The following SAMMSON variants were observed in gnomAD, a reference collection of about 807,000 sequenced individuals.
SAMMSON encodes long intergenic non-protein coding RNA 1212.
intron 9 of SAMMSON, among the ~76,000 whole-genome samples, chr3:70,367,768 T>C (rs1053341958): frequency 1.3e-5 from 2 of 151,704 alleles, no homozygotes; most frequent in African/African-American, 4.8e-5. Flanking sequence ...GCTTACAAGA[T>C]AGTTCTATTT....
intron 7 of SAMMSON, among the ~76,000 whole-genome samples, chr3:70,312,357 A>T (rs539867705): frequency 6.6e-6 from 1 of 152,226 alleles, no homozygotes; most frequent in Non-Finnish European, 1.5e-5. Context: ...AAAGAGACAA[A>T]TAACAATAAA....
chr3:70,399,839 A>G (rs1417563713), intron 2 of SAMMSON, among the ~76,000 whole-genome samples: 1 of 149,248 alleles, frequency 6.7e-6, no homozygotes, highest in Non-Finnish European at 1.5e-5. Flanking sequence ...CTCGTGACAG[A>G]GCAAGACTCT....
intron 4 of SAMMSON, among the ~76,000 whole-genome samples, chr3:70,151,051 A>G (rs1224521147): frequency 6.6e-6 from 1 of 151,526 alleles, no homozygotes; most frequent in Non-Finnish European, 1.5e-5. Flanking sequence ...ACATGTTTCT[A>G]TTAGCATCCA....
intron 1 of SAMMSON, chr3:70,009,122 A>T: frequency 6.6e-6 from 1 of 152,242 alleles, no homozygotes; most frequent in Non-Finnish European, 1.5e-5. Flanking sequence ...TGTCTCTACC[A>T]GGCTTTGGTA....
At chr3:70,369,814 G>A (rs1438342377) in intron 9 of SAMMSON, among the ~76,000 whole-genome samples, 1 of 151,620 alleles carries the variant, frequency 6.6e-6, no homozygotes, top group Non-Finnish European at 1.5e-5. Flanking sequence ...CTATGTGTTG[G>A]GGGCATTTCA....
intron 7 of SAMMSON, among the ~76,000 whole-genome samples, chr3:70,320,834 G>T (rs978074675): frequency 1.3e-5 from 2 of 152,050 alleles, no homozygotes; most frequent in Non-Finnish European, 2.9e-5. Context: ...CGGCCTGTTT[G>T]GAATGCGAGA....
chr3:70,057,408 A>C (rs1184081964), intron 3 of SAMMSON, among the ~76,000 whole-genome samples: 1 of 152,042 alleles, frequency 6.6e-6, no homozygotes, highest in African/African-American at 2.4e-5. Context: ...TTCTCGTGGG[A>C]CTAACACAAC....
intron 3 of SAMMSON, among the ~76,000 whole-genome samples, chr3:70,064,249 G>C (rs903415633): frequency 6.6e-6 from 1 of 152,122 alleles, no homozygotes; most frequent in African/African-American, 2.4e-5. Flanking sequence ...CTGTGTTTCT[G>C]TCTATTGTGC....
intron 4 of SAMMSON, chr3:70,127,807 G>A (rs2067465680): frequency 6.6e-6 from 1 of 152,066 alleles, no homozygotes; most frequent in Non-Finnish European, 1.5e-5. Context: ...ATGCTTAGCT[G>A]ATTTTTGTAT....
chr3:70,188,479 A>G (rs1327726473), intron 4 of SAMMSON, among the ~76,000 whole-genome samples: 2 of 152,214 alleles, frequency 1.3e-5, no homozygotes, highest in Admixed American at 6.5e-5. Context: ...AGAAGAAAAA[A>G]TAAAGAGATA....
intron 3 of SAMMSON, among the ~76,000 whole-genome samples, chr3:70,054,638 C>T (rs1242303367): frequency 6.6e-6 from 1 of 152,114 alleles, no homozygotes; most frequent in Non-Finnish European, 1.5e-5. Context: ...GGATGAGTTT[C>T]TATCATCCAA....
At chr3:70,287,946 T>G (rs1335459202) in intron 6 of SAMMSON, among the ~76,000 whole-genome samples, 2 of 151,724 alleles carry the variant, frequency 1.3e-5, no homozygotes, top group Non-Finnish European at 1.5e-5. Flanking sequence ...GATTCTTCTC[T>G]CTTTTTTTCT....
chr3:70,052,395 T>C (rs2067149888), intron 3 of SAMMSON, among the ~76,000 whole-genome samples: 1 of 152,088 alleles, frequency 6.6e-6, no homozygotes, highest in Admixed American at 6.6e-5. Context: ...TTCTCTCCCC[T>C]GTTACCTCAG....
intron 6 of SAMMSON, among the ~76,000 whole-genome samples, chr3:70,267,927 T>C (rs4974265): frequency 0.096 from 14,540 of 151,872 alleles, 883 homozygotes; most frequent in South Asian, 0.21. Context: ...TTTCCTTTTC[T>C]TCCCATCCCC....
At chr3:70,200,767 T>C (rs1459248704) in intron 4 of SAMMSON, among the ~76,000 whole-genome samples, 1 of 152,198 alleles carries the variant, frequency 6.6e-6, no homozygotes, top group Non-Finnish European at 1.5e-5. Context: ...GTAAATATTG[T>C]AATCCTCATT....
At chr3:70,328,342 A>G (rs1226099349) in intron 7 of SAMMSON, among the ~76,000 whole-genome samples, 2 of 152,166 alleles carry the variant, frequency 1.3e-5, no homozygotes, top group East Asian at 1.9e-4. Context: ...GAGAAAATCA[A>G]TCATTAGAAA....
intron 3 of SAMMSON, among the ~76,000 whole-genome samples, chr3:70,032,828 G>A (rs978173508): frequency 2.0e-5 from 3 of 152,200 alleles, no homozygotes; most frequent in Non-Finnish European, 4.4e-5. Flanking sequence ...TGCTGCAACA[G>A]GGCTAAGCTC....
At chr3:70,430,412 G>T (rs73105781) in intron 2 of SAMMSON, among the ~76,000 whole-genome samples, 1 of 151,900 alleles carries the variant, frequency 6.6e-6, no homozygotes, top group South Asian at 2.1e-4. Flanking sequence ...ATTATAATAC[G>T]TTCAACGGAA....
intron 3 of SAMMSON, among the ~76,000 whole-genome samples, chr3:70,050,024 G>A (rs1372319512): frequency 6.6e-6 from 1 of 152,154 alleles, no homozygotes; most frequent in African/African-American, 2.4e-5. Context: ...GTAAAAAATT[G>A]CCAGCAAGGA....
Sources: allele counts gnomAD v4.1 joint callset (sites outside exome capture counted in the v4.1 genomes callset), GRCh38; gene constraint gnomAD v4.1.1; transcripts MANE v1.5; gene names NCBI Gene and HGNC (gene_info 2026-07-23, HGNC 2026-07-21).